The following UMODL1 variants were observed in gnomAD, a reference collection of about 807,000 sequenced individuals.
The protein encoded by UMODL1 is uromodulin-like 1.
In UMODL1, 128 loss-of-function variants were observed where a neutral mutation model predicts 136.3. The ratio of observed to expected loss-of-function variants is 0.94; its 90% CI spans 0.81 to 1.09. The LOEUF (loss-of-function observed/expected upper bound fraction) is 1.09. Ranked by LOEUF, UMODL1 falls within the 50% of genes least tolerant of loss-of-function variation. UMODL1 has a pLI of 0.00. For missense variants in UMODL1, 1,766 were observed against 1,725.6 expected, an observed-to-expected ratio of 1.02 and a Z score of -0.41; for synonymous variants, 721 against 720.0, an observed-to-expected ratio of 1.00 and a Z score of -0.02.
In UMODL1 at chr21:42,138,246, G is replaced by T. The variant is rs138493359; in HGVS notation, c.*21+605G>T. On this transcript the variant is annotated intron_variant, in intron 22 of 22. Transcript: ENST00000408910. The stretch of plus-strand genomic sequence containing the variant: ...AATGGGAAGATGCCCAAGAGGCCCC[G>T]CTATGGGGTCTGACGCCCTCAATTG... 5.4e-4 allele frequency among the ~76,000 whole-genome samples: 82 copies of T among 152,170 alleles called. 1 individual carries two copies. The highest frequency in any genetic ancestry group is 1.7e-3 in the Admixed American group (26 of 15,288).
In UMODL1 at chr21:42,114,761, G is replaced by A. The variant is rs114427231; in HGVS notation, c.2362+931G>A. Among the ~76,000 whole-genome samples, 995 of 152,356 alleles carry A rather than the reference G, an allele frequency of 6.5e-3. 13 individuals carry two copies. Among genetic ancestry groups the A allele is most frequent in the African/African-American group, 0.023 (943 of 41,574 alleles). ...ACGTTCACGAGCAGCTGGAGAGGAG[G>A]GAGATCAGTGCTGGCTGGACAGTCA... On this transcript the variant is annotated intron_variant, in intron 13 of 22. Transcript: ENST00000408910.
rs1235487181 is a variant in UMODL1 at position 42,123,637 on chromosome 21, GTGTGTGTGTGCA to G, written c.3147+493_3147+504del. On this transcript the variant is annotated intron_variant, in intron 17 of 22. Coordinates refer to ENST00000408910, the MANE Select transcript of UMODL1 (RefSeq NM_001004416.3). This position sits in a 1 kb window ranked among gnomAD's most constrained non-coding sequence, Gnocchi z 4.4. Reference sequence around the variant, plus strand: ...CATGGCTGTGCTTATATGTACGTGCGTGTGTGTGTGCATGTGTATCGCGTGCTTGTGTGCGTG... The same window carrying G: ...CATGGCTGTGCTTATATGTACGTGCGTGTGTATCGCGTGCTTGTGTGCGTG... Among the ~76,000 whole-genome samples, 178 of 152,112 alleles carry G rather than the reference GTGTGTGTGTGCA, an allele frequency of 1.2e-3. 1 individual carries two copies. The highest frequency in any genetic ancestry group is 4.2e-3 in the African/African-American group (175 of 41,482).
chr21:42,121,275 T>C, intron 16 of UMODL1, 51 bp downstream of exon 16: 1 of 1,565,808 alleles, frequency 6.4e-7, no homozygotes, highest in Non-Finnish European at 8.7e-7. Flanking sequence ...TAATCGGTTT[T>C]TTTTAAGGAC....
rs765459690 is a variant in UMODL1, at chr21:42,129,747, A to G, written c.3725A>G (p.Glu1242Gly). 3 of 1,594,124 alleles carry G rather than the reference A, an allele frequency of 1.9e-6. No individual in the cohort carries two copies. In the South Asian group the frequency reaches 3.5e-5, roughly 19 times the overall value. ...CNNFRLLQNS[E>G]TSATHQMSWG... The stretch of plus-strand genomic sequence containing the variant: ...AACTTTCGGTTGCTGCAAAATAGTG[A>G]AACCTCTGCCACACACCAGATGTCC... Residue 1242 changes from glutamate (E) to glycine (G), a missense_variant, in exon 21 of 23, where the codon GAA (glutamate) becomes GGA (glycine). Coordinates refer to ENST00000408910, the MANE Select transcript of UMODL1 (RefSeq NM_001004416.3).
chr21:42,122,120 G>A lies in UMODL1; in HGVS notation c.2828-711G>A, dbSNP rs2066980489. 6.6e-6 allele frequency among the ~76,000 whole-genome samples: 1 copy of A among 152,152 alleles called. No homozygotes were observed. The highest frequency in any genetic ancestry group is 1.5e-5 in the Non-Finnish European group (1 of 68,014). On this transcript the variant is annotated intron_variant, in intron 16 of 22. Transcript: ENST00000408910. This position sits in a 1 kb window ranked among gnomAD's most constrained non-coding sequence, Gnocchi z 4.3. Reference sequence around the variant, plus strand: ...TGGAGCTGCAGGGTGCTGGGGCTGGGCAAGCCCCACTCTGAGATAAAAGAA... The same window carrying A: ...TGGAGCTGCAGGGTGCTGGGGCTGGACAAGCCCCACTCTGAGATAAAAGAA...
chr21:42,068,396 G>T (rs1035552821), upstream of UMODL1, among the ~76,000 whole-genome samples: 6 of 152,292 alleles, frequency 3.9e-5, no homozygotes, highest in East Asian at 1.9e-4. This position sits in a 1 kb window ranked among gnomAD's most constrained non-coding sequence, Gnocchi z 5.5. Context: ...GAGAAACAGG[G>T]TGTTAAGTCA....
chr21:42,098,125 G>T (rs1434609591), intron 6 of UMODL1, among the ~76,000 whole-genome samples: 1 of 152,178 alleles, frequency 6.6e-6, no homozygotes. Flanking sequence ...TTACACTGTC[G>T]TGGCCATTGC....
At position 42,125,380 on chromosome 21, in the gene UMODL1, C is replaced by T. The variant is rs561232021; in HGVS notation, c.3148-965C>T. Among the ~76,000 whole-genome samples the T allele has an allele frequency of 2.5e-3, 378 of 152,192 alleles. 1 individual carries two copies. The highest frequency in any genetic ancestry group is 8.6e-3 in the African/African-American group (356 of 41,514). On this transcript the variant is annotated intron_variant, in intron 17 of 22. Transcript: ENST00000408910. ...GGAAGCTGAGGGATTCACGTGGACG[C>T]GTCGGAGGCCATTGCAGAGCACAAG...
chr21:42,129,037 T>C (rs2067099553), intron 20 of UMODL1, among the ~76,000 whole-genome samples: 2 of 151,862 alleles, frequency 1.3e-5, no homozygotes, highest in South Asian at 4.2e-4. Context: ...CCTCGGGCGT[T>C]CCTTGGCTGG....
chr21:42,109,444 C>T, intron 9 of UMODL1, 118 bp from the exon 10 acceptor site: 1 of 1,442,562 alleles, frequency 6.9e-7, no homozygotes, highest in Non-Finnish European at 9.5e-7. Context: ...CAAAATGCCC[C>T]TGCTCCCGGC....
Position 42,106,618 on chromosome 21 carries a change from G to T in UMODL1, c.1519+2531G>T, listed in dbSNP as rs113831445. On this transcript the variant is annotated intron_variant, in intron 9 of 22. Transcript: ENST00000408910. ...GGGCTGTGTAGGTGGCCATGTGTTCGGTCTTTCCCCAGGAGGTACGTACCA... is the reference window on the plus strand; with the variant it reads ...GGGCTGTGTAGGTGGCCATGTGTTCTGTCTTTCCCCAGGAGGTACGTACCA... Among the ~76,000 whole-genome samples the T allele has an allele frequency of 9.8e-3, 1,489 of 152,286 alleles. 8 individuals carry two copies. The highest frequency in any genetic ancestry group is 0.015 in the Non-Finnish European group (1,008 of 68,018).
chr21:42,109,053 G>A (rs1368186657), intron 9 of UMODL1, among the ~76,000 whole-genome samples: 5 of 121,838 alleles, frequency 4.1e-5, no homozygotes, highest in African/African-American at 1.7e-4. Context: ...CACCCCCGGC[G>A]TGGAAAGCTG....
Position 42,085,403 on chromosome 21 carries a change from G to C in UMODL1, c.594G>C (p.Leu198=). The change falls in exon 4 of 23, where the codon CTG becomes CTC. Residue 198 remains leucine, a synonymous_variant. Coordinates refer to ENST00000408910, the MANE Select transcript of UMODL1 (RefSeq NM_001004416.3). This position sits in a 1 kb window ranked among gnomAD's most constrained non-coding sequence, Gnocchi z 4.5. ...DPRLLNHMRL[L]HSLVTSALQP... ...GGCTCCTGAACCACATGCGCCTTCT[G>C]CATTCCTTGGTAGGTGAGACAGACG... The C allele has an allele frequency of 1.2e-6, 2 of 1,613,872 alleles. No individual in the cohort carries two copies. Among genetic ancestry groups the C allele is most frequent in the Non-Finnish European group, 1.7e-6 (2 of 1,179,914 alleles).
At chr21:42,124,469 G>A (rs1311712038) in intron 17 of UMODL1, among the ~76,000 whole-genome samples, 2 of 152,162 alleles carry the variant, frequency 1.3e-5, no homozygotes, top group African/African-American at 4.8e-5. Context: ...GGGCCATGCC[G>A]GGGGTGGCTA....
At chr21:42,107,693 C>G (rs1033346665) in intron 9 of UMODL1, among the ~76,000 whole-genome samples, 1 of 152,294 alleles carries the variant, frequency 6.6e-6, no homozygotes, top group Admixed American at 6.5e-5. Flanking sequence ...TGGAGGACGC[C>G]CTGGGCCCTG....
At position 42,142,221 on chromosome 21, in the gene UMODL1, T is replaced by A. The variant is rs143622379; in HGVS notation, c.*147T>A. ...TTAACTCTTCAAGCCTTAACGGAGG[T>A]CTGCTCTGACGGGTGGGCTCTGCCA... On this transcript the variant is annotated 3_prime_UTR_variant, in exon 23 of 23. Transcript: ENST00000408910. 1,727 of 152,128 alleles carry A rather than the reference T, an allele frequency of 0.011. 17 individuals are homozygous for A. Among genetic ancestry groups the A allele is most frequent in the Non-Finnish European group, 0.018 (1,241 of 67,986 alleles). 9.4% of individuals were successfully genotyped at this position (152,128 alleles called of 1,614,324 possible).
rs143654565 is a variant in UMODL1, at chr21:42,109,680, C to T, written c.1638C>T (p.Arg546=). The change falls in exon 10 of 23, where the codon CGC becomes CGT. Residue 546 remains arginine, a synonymous_variant. Transcript: ENST00000408910. ...CRTTRDATPS[R]AGRACEGDLV... is the part of the protein sequence containing the mutation. ...CCACCAGGGACGCCACCCCCTCCCG[C>T]GCAGGCCGGGCCTGTGAGGGTACGT... 786 of 1,604,722 alleles carry T rather than the reference C, an allele frequency of 4.9e-4. 8 individuals are homozygous for T. The East Asian group carries it at 0.015, about 30-fold the overall frequency.
chr21:42,140,484 A>T (rs1437168401), intron 22 of UMODL1, among the ~76,000 whole-genome samples: 1 of 151,696 alleles, frequency 6.6e-6, no homozygotes, highest in Non-Finnish European at 1.5e-5. Context: ...GCTGCATGGG[A>T]TTTCCGTTTG....
At chr21:42,070,908 C>G (rs2066224058), upstream of UMODL1, among the ~76,000 whole-genome samples, 1 of 152,208 alleles carries the variant, frequency 6.6e-6, no homozygotes, top group Non-Finnish European at 1.5e-5. Flanking sequence ...TTTTCTTCTG[C>G]CAGTTCAGAA....
Sources: allele counts gnomAD v4.1 joint callset (sites outside exome capture counted in the v4.1 genomes callset), GRCh38; gene constraint gnomAD v4.1.1; non-coding constraint Gnocchi (gnomAD v3.1); transcripts MANE v1.5; gene names NCBI Gene and HGNC (gene_info 2026-07-23, HGNC 2026-07-21).